Variants in CEP192 observed in about 807,000 individuals in gnomAD.
The protein encoded by CEP192 is centrosomal protein 192.
CEP192 carries 151 observed loss-of-function variants against 271.8 expected under a neutral mutation model. The observed-to-expected ratio is 0.56, with a 90% confidence interval of 0.49 to 0.64. The LOEUF is 0.64. CEP192 is among the 30% of genes least tolerant of loss of function. CEP192 has a pLI of 0.00. For missense variants in CEP192, 2,910 were observed against 3,020.5 expected, an observed-to-expected ratio of 0.96 and a Z score of 0.86; for synonymous variants, 995 against 1,076.5, an observed-to-expected ratio of 0.92 and a Z score of 1.48.
chr18:13,069,055 T>C (rs1192843937), intron 25 of CEP192, 34 bp from the exon 26 acceptor site: 3 of 1,614,066 alleles, frequency 1.9e-6, no homozygotes, highest in South Asian at 1.1e-5. Flanking sequence ...TTTGTGACAG[T>C]TCGTTGAAAT....
In CEP192 at chr18:13,042,257, C is replaced by G. The variant is rs1287012634; in HGVS notation, c.1990C>G (p.Gln664Glu). 6.2e-7 allele frequency: 1 copy of G among 1,613,142 alleles called. No individual in the cohort carries two copies. The highest frequency in any genetic ancestry group is 1.7e-5 in the Admixed American group (1 of 60,020). Residue 664 changes from glutamine to glutamate, a missense_variant, in exon 15 of 45, where the codon CAG becomes GAG. By Grantham distance (29) the Gln-to-Glu change is conservative. Coordinates refer to ENST00000506447, the MANE Select transcript of CEP192 (RefSeq NM_032142.4). ...AQLSEGSITL[Q>E]VEAVESTSQV... ...GCTAAGTGAAGGATCAATTACACTT[C>G]AGGTTGAAGCAGTAGAGAGTACTTC...
At position 13,012,981 on chromosome 18, in the gene CEP192, A is replaced by G. The variant is rs538516598; in HGVS notation, c.475A>G (p.Ile159Val). 4.0e-6 allele frequency: 6 copies of G among 1,510,604 alleles called. No individual in the cohort carries two copies. The highest frequency in any genetic ancestry group is 2.4e-5 in the South Asian group (2 of 81,640). 93.6% of individuals were successfully genotyped at this position (1,510,604 alleles called of 1,614,324 possible). A position where few individuals can be genotyped will look rare whatever the true frequency, so the allele number is the denominator to read the frequency against. ...SPLEQAQDSP[I>V]DFHLQSWMNN... is the part of the protein sequence containing the mutation. ...TTTGTTTTCTTACACAGACTCACCT[A>G]TTGATTTTCATTTACAGTCATGGAT... Residue 159 changes from isoleucine to valine, a missense_variant, in exon 5 of 45, where the codon ATT (isoleucine) becomes GTT (valine). Physicochemically the swap from Ile to Val is conservative, Grantham distance 29. Coordinates refer to ENST00000506447, the MANE Select transcript of CEP192 (RefSeq NM_032142.4).
rs751011706 is a variant in CEP192, at chr18:13,055,880, A to C, written c.3290A>C (p.Gln1097Pro). Residue 1097 changes from glutamine (Q) to proline (P), a missense_variant, in exon 19 of 45, where the codon CAG becomes CCG. Transcript: ENST00000506447. ...MEKLREKVPFQNRGKGTLSSI... is the reference protein window; with the variant it reads ...MEKLREKVPFPNRGKGTLSSI... Reference sequence around the variant, plus strand: ...AAATTGAGAGAAAAAGTTCCATTTCAGAATAGAGGAAAAGGAACATTATCA... The same window carrying C: ...AAATTGAGAGAAAAAGTTCCATTTCCGAATAGAGGAAAAGGAACATTATCA... The C allele has an allele frequency of 6.2e-7, 1 of 1,613,674 alleles. No individual in the cohort carries two copies. Among genetic ancestry groups the C allele is most frequent in the African/African-American group, 1.3e-5 (1 of 74,922 alleles).
chr18:13,090,683 G>A lies in CEP192; in HGVS notation c.6103+1118G>A, dbSNP rs2039099256. Among the ~76,000 whole-genome samples, 3 of 152,152 alleles carry A rather than the reference G, an allele frequency of 2.0e-5. No individual in the cohort carries two copies. In the South Asian group the frequency reaches 6.2e-4, roughly 32 times the overall value. On this transcript the variant is annotated intron_variant, in intron 33 of 44. Transcript: ENST00000506447. ...AAAAAGACTTCAAATGGACTTGTCA[G>A]GAGTGTGCTAAGGGACCAGAGCAAA...
chr18:13,005,816 T>G (rs2033946653), intron 3 of CEP192, among the ~76,000 whole-genome samples: 1 of 152,240 alleles, frequency 6.6e-6, no homozygotes, highest in South Asian at 2.1e-4. Flanking sequence ...CAAAATGTCT[T>G]TATTCTAATC....
At chr18:13,086,306 T>C (rs1484219625) in intron 30 of CEP192, among the ~76,000 whole-genome samples, 1 of 152,240 alleles carries the variant, frequency 6.6e-6, no homozygotes, top group East Asian at 1.9e-4. Context: ...TTTCTAAATA[T>C]ACAATCATGT....
chr18:13,016,663 C>G (rs1455959442), intron 6 of CEP192, among the ~76,000 whole-genome samples: 1 of 152,130 alleles, frequency 6.6e-6, no homozygotes, highest in Non-Finnish European at 1.5e-5. Flanking sequence ...GCAAAATTGA[C>G]CTCTAAAGTG....
chr18:13,045,016 T>G (rs1483371250), intron 15 of CEP192, among the ~76,000 whole-genome samples: 1 of 152,162 alleles, frequency 6.6e-6, no homozygotes, highest in Non-Finnish European at 1.5e-5. Context: ...GTAATCTTCC[T>G]CTACACTTGA....
chr18:13,048,399 G>A (rs185911729), intron 15 of CEP192, among the ~76,000 whole-genome samples: 7 of 152,230 alleles, frequency 4.6e-5, no homozygotes, highest in African/African-American at 9.6e-5. Flanking sequence ...CTCTTATTTC[G>A]TAATGGCCCC....
At chr18:13,087,948 A>G (rs1395987766) in intron 32 of CEP192, among the ~76,000 whole-genome samples, 1 of 152,122 alleles carries the variant, frequency 6.6e-6, no homozygotes. Context: ...TCCGTAATGT[A>G]CTCTTGATGA....
In CEP192 at chr18:13,001,453, A is replaced by T. The variant is rs1170507568; in HGVS notation, c.165-4A>T. 3.3e-6 allele frequency: 5 copies of T among 1,528,514 alleles called. No individual in the cohort carries two copies. The highest frequency in any genetic ancestry group is 3.5e-6 in the Non-Finnish European group (4 of 1,133,596). 94.7% of individuals were successfully genotyped at this position (1,528,514 alleles called of 1,614,324 possible). A position where few individuals can be genotyped will look rare whatever the true frequency, so the allele number is the denominator to read the frequency against. The stretch of plus-strand genomic sequence containing the variant: ...AACAATTAAAACAAATTTTTTTTGT[A>T]TAGGTATCCTGATATCCAGGCATCT... On this transcript the variant is annotated splice_polypyrimidine_tract_variant and splice_region_variant and intron_variant, in intron 2 of 44. Coordinates refer to ENST00000506447, the MANE Select transcript of CEP192 (RefSeq NM_032142.4).
chr18:13,067,759 G>A, intron 21 of CEP192, 72 bp from the exon 22 acceptor site: 1 of 1,280,908 alleles, frequency 7.8e-7, no homozygotes, highest in Non-Finnish European at 1.1e-6. Context: ...AGAAATGGCA[G>A]TGATATGAAC....
chr18:12,994,192 A>G (rs376583182), intron 1 of CEP192, among the ~76,000 whole-genome samples: 1 of 152,226 alleles, frequency 6.6e-6, no homozygotes, highest in South Asian at 2.1e-4. Flanking sequence ...AGATAAATAC[A>G]AGAATAAATA....
At chr18:13,045,418 AT>A (rs1277712875) in intron 15 of CEP192, among the ~76,000 whole-genome samples, 2 of 152,228 alleles carry the variant, frequency 1.3e-5, no homozygotes, top group Non-Finnish European at 2.9e-5. Context: ...TAGTCAGAGA[AT>A]TTTTAGTTTT....
intron 3 of CEP192, among the ~76,000 whole-genome samples, chr18:13,004,515 C>A (rs146590838): frequency 1.3e-5 from 2 of 152,076 alleles, no homozygotes; most frequent in South Asian, 4.2e-4. Flanking sequence ...GGTGGGAGGA[C>A]GGCCTGGGTG....
chr18:13,074,455 T>C (rs1470816227), intron 30 of CEP192, among the ~76,000 whole-genome samples: 1 of 152,198 alleles, frequency 6.6e-6, no homozygotes, highest in African/African-American at 2.4e-5. Context: ...GGGCTGTATT[T>C]TTCAGACTTC....
At chr18:13,032,932 T>A (rs1598413238) in intron 11 of CEP192, among the ~76,000 whole-genome samples, 1 of 141,812 alleles carries the variant, frequency 7.1e-6, no homozygotes, top group South Asian at 2.1e-4. Flanking sequence ...GAACACACAC[T>A]CTATAGTTCT....
In CEP192 at chr18:13,087,196, T is replaced by A. The variant is rs753272477; in HGVS notation, c.5796T>A (p.Asp1932Glu). The change falls in exon 31 of 45, where the codon GAT becomes GAA. Residue 1932 changes from aspartate to glutamate, a missense_variant. Physicochemically the swap from Asp to Glu is conservative, Grantham distance 45. Transcript: ENST00000506447. ...AAFVKAVGFKDSQKKVLLDPK... is the reference protein window; with the variant it reads ...AAFVKAVGFKESQKKVLLDPK... ...TTGTTAAAGCAGTAGGTTTTAAGGA[T>A]TCTCAGAAAAAAGTTTTGCTGGATC... 2 of 1,613,744 alleles carry A rather than the reference T, an allele frequency of 1.2e-6. No homozygotes were observed. The highest frequency in any genetic ancestry group is 2.7e-5 in the African/African-American group (2 of 74,930).
At position 13,048,973 on chromosome 18, in the gene CEP192, A is replaced by G; in HGVS notation, c.2182A>G (p.Asn728Asp). Residue 728 changes from asparagine (N) to aspartate (D), a missense_variant, in exon 16 of 45, where the codon AAT becomes GAT. Physicochemically the swap from Asn to Asp is conservative, Grantham distance 23. Coordinates refer to ENST00000506447, the MANE Select transcript of CEP192 (RefSeq NM_032142.4). Reference sequence around the variant, plus strand: ...TTCAGCCATTGCAGAGGCATCAGTTAATACTGATCCTTCCCAACTTGCTGC... The same window carrying G: ...TTCAGCCATTGCAGAGGCATCAGTTGATACTGATCCTTCCCAACTTGCTGC... ...IASAIAEASV[N>D]TDPSQLAAMI... 6.2e-7 allele frequency: 1 copy of G among 1,613,094 alleles called. No individual in the cohort carries two copies. Among genetic ancestry groups the G allele is most frequent in the Non-Finnish European group, 8.5e-7 (1 of 1,179,018 alleles).
Sources: allele counts gnomAD v4.1 joint callset (sites outside exome capture counted in the v4.1 genomes callset), GRCh38; gene constraint gnomAD v4.1.1; transcripts MANE v1.5; gene names NCBI Gene and HGNC (gene_info 2026-07-23, HGNC 2026-07-21).